The following SCUBE1 variants were observed in gnomAD, a reference collection of about 807,000 sequenced individuals.
SCUBE1 encodes the protein signal peptide, CUB and EGF-like domain-containing protein 1.
A neutral mutation model predicts 124.4 loss-of-function variants in SCUBE1; 59 were observed. The ratio of observed to expected loss-of-function variants is 0.47; its 90% CI spans 0.38 to 0.59. SCUBE1 has a LOEUF of 0.59. Among genes scored for constraint, SCUBE1 ranks in the 20% least tolerant of loss-of-function variants. The pLI, the probability that SCUBE1 is intolerant of heterozygous loss-of-function variation, is 0.00. For missense variants in SCUBE1, 1,150 were observed against 1,371.2 expected (o/e 0.84, Z 2.55); for synonymous variants, 545 against 550.9 (o/e 0.99, Z 0.15).
intron 15 of SCUBE1, among the ~76,000 whole-genome samples, chr22:43,215,202 C>T (rs540883548): frequency 4.2e-4 from 64 of 152,264 alleles, no homozygotes; most frequent in African/African-American, 1.3e-3. Context: ...AGGGGAGGCT[C>T]GCAGCATGTG....
At chr22:43,335,924 G>T (rs1282122300) in intron 2 of SCUBE1, among the ~76,000 whole-genome samples, 7 of 151,882 alleles carry the variant, frequency 4.6e-5, no homozygotes, top group Admixed American at 4.6e-4. Flanking sequence ...TGGTGATGAT[G>T]GTGGTGATGA....
At chr22:43,226,273 G>T (rs1922298874) in intron 10 of SCUBE1, among the ~76,000 whole-genome samples, 1 of 152,166 alleles carries the variant, frequency 6.6e-6, no homozygotes, top group East Asian at 1.9e-4. Flanking sequence ...CATTACTTCT[G>T]GTGGCTGGGA....
rs926259170 is a variant in SCUBE1, at chr22:43,222,577, T to A, written c.1432+61A>T. 49 of 1,272,086 alleles carry A rather than the reference T, an allele frequency of 3.9e-5. 1 individual carries two copies. Among genetic ancestry groups the A allele is most frequent in the South Asian group, 2.6e-5 (2 of 78,394 alleles). The allele number at this position is 1,272,086 out of a possible 1,614,324, so 78.8% of individuals were successfully genotyped here. A position where few individuals can be genotyped will look rare whatever the true frequency, so the allele number is the denominator to read the frequency against. On this transcript the variant is annotated intron_variant, in intron 12 of 21. Transcript: ENST00000360835. ...GGTGCCCTTTCCTCCCCCGCCAGCATGTTGCTGGATGCAGTCAAGTCACCC... is the reference window on the plus strand; with the variant it reads ...GGTGCCCTTTCCTCCCCCGCCAGCAAGTTGCTGGATGCAGTCAAGTCACCC...
intron 6 of SCUBE1, among the ~76,000 whole-genome samples, chr22:43,251,691 A>C (rs1206284481): frequency 1.3e-5 from 2 of 152,210 alleles, no homozygotes; most frequent in Admixed American, 1.3e-4. Flanking sequence ...GAGCCTCCAG[A>C]AGGAAACAGC....
rs1317274448 is a variant in SCUBE1 at position 43,238,964 on chromosome 22, G to C, written c.728-10C>G. ...TTGACTGCGCACGTCTCTGGGGAGG[G>C]AAAGAGACAGAGACCTCAGTTTCCT... On this transcript the variant is annotated splice_polypyrimidine_tract_variant and intron_variant, in intron 6 of 21. Transcript: ENST00000360835. 2.5e-6 allele frequency: 4 copies of C among 1,597,246 alleles called. No individual in the cohort carries two copies. In the African/African-American group the frequency reaches 5.4e-5, roughly 21 times the overall value.
Position 43,255,800 on chromosome 22 carries a change from A to G in SCUBE1, c.727+2419T>C, listed in dbSNP as rs531100822. 6.6e-6 allele frequency among the ~76,000 whole-genome samples: 1 copy of G among 152,280 alleles called. No homozygotes were observed. The highest frequency in any genetic ancestry group is 1.9e-4 in the East Asian group (1 of 5,178). ...GGGCGGGGGCGGGGGGACGTGCAGG[A>G]AAGGAGGAATGACCACAAAGTGACC... is the stretch of plus-strand genomic sequence containing the variant. On this transcript the variant is annotated intron_variant, in intron 6 of 21. Coordinates refer to ENST00000360835, the MANE Select transcript of SCUBE1 (RefSeq NM_173050.5). This position sits in a 1 kb window ranked among gnomAD's most constrained non-coding sequence, Gnocchi z 4.7.
chr22:43,258,654 A>G lies in SCUBE1; in HGVS notation c.611-319T>C, dbSNP rs1181682983. Among the ~76,000 whole-genome samples, 1 of 152,198 alleles carries G rather than the reference A, an allele frequency of 6.6e-6. No homozygotes were observed. The highest frequency in any genetic ancestry group is 1.5e-5 in the Non-Finnish European group (1 of 68,030). On this transcript the variant is annotated intron_variant, in intron 5 of 21. Coordinates refer to ENST00000360835, the MANE Select transcript of SCUBE1 (RefSeq NM_173050.5). The surrounding 1 kb of genome is among the most constrained non-coding windows in gnomAD (Gnocchi z 5.0). ...AGATGAAGACAGCTTCATCCTTCTC[A>G]GACTGCAGGACATTTTATAGCTGCC...
intron 2 of SCUBE1, among the ~76,000 whole-genome samples, chr22:43,335,964 G>A (rs1255221938): frequency 6.7e-6 from 1 of 150,044 alleles, no homozygotes; most frequent in Non-Finnish European, 1.5e-5. Context: ...AATGATGATG[G>A]TGATGATGAT....
rs1923609450 is a variant in SCUBE1 at position 43,255,211 on chromosome 22, A to G, written c.727+3008T>C. Among the ~76,000 whole-genome samples the G allele has an allele frequency of 6.6e-6, 1 of 152,220 alleles. No individual in the cohort carries two copies. Among genetic ancestry groups the G allele is most frequent in the African/African-American group, 2.4e-5 (1 of 41,452 alleles). The stretch of plus-strand genomic sequence containing the variant: ...CCTGGGTTCTTTGCTACAAACACAC[A>G]AACAACGAACAAATGTGTTTGATGG... On this transcript the variant is annotated intron_variant, in intron 6 of 21. Coordinates refer to ENST00000360835, the MANE Select transcript of SCUBE1 (RefSeq NM_173050.5). The surrounding 1 kb of genome is among the most constrained non-coding windows in gnomAD (Gnocchi z 4.7).
At chr22:43,307,986 C>A (rs1926034291) in intron 3 of SCUBE1, among the ~76,000 whole-genome samples, 1 of 151,982 alleles carries the variant, frequency 6.6e-6, no homozygotes, top group African/African-American at 2.4e-5. Flanking sequence ...CTGTAATAAA[C>A]ACCCCACAGT....
In SCUBE1 at chr22:43,208,208, G is replaced by A; in HGVS notation, c.2598C>T (p.Ile866=). 1 of 1,614,072 alleles carries A rather than the reference G, an allele frequency of 6.2e-7. No individual in the cohort carries two copies. The highest frequency in any genetic ancestry group is 8.5e-7 in the Non-Finnish European group (1 of 1,180,000). ...AGGTCTGGCAGGTCTCATAGGTGGT[G>A]ATGGACGTGGGAGAGGCTGCGGGTG... is the stretch of plus-strand genomic sequence containing the variant. The part of the protein sequence containing the change: ...VMRKSASPTS[I]TTYETCQTYE... Residue 866 remains isoleucine (I), a synonymous_variant, in exon 20 of 22, where the codon ATC becomes ATT. Transcript: ENST00000360835.
In SCUBE1 at chr22:43,302,515, C is replaced by CA. The variant is rs540011266; in HGVS notation, c.350-11336dup. Among the ~76,000 whole-genome samples, 8 of 152,298 alleles carry CA rather than the reference C, an allele frequency of 5.3e-5. No individual in the cohort carries two copies. In the South Asian group the frequency reaches 1.7e-3, roughly 32 times the overall value. On this transcript the variant is annotated intron_variant, in intron 3 of 21. Transcript: ENST00000360835. ...GCAGGGGGCGGCTGGGGCCCCTGCT[C>CA]AGAGTCAGGCACTCTTTGTTACAGT...
rs1202366409 is a variant in SCUBE1, at chr22:43,255,333, C to T, written c.727+2886G>A. ...CAGGACTGCACACACGTGGGCACAC[C>T]CCACAACACAGACATATGCCCCCAC... On this transcript the variant is annotated intron_variant, in intron 6 of 21. Coordinates refer to ENST00000360835, the MANE Select transcript of SCUBE1 (RefSeq NM_173050.5). The surrounding 1 kb of genome is among the most constrained non-coding windows in gnomAD (Gnocchi z 4.7). 2.6e-5 allele frequency among the ~76,000 whole-genome samples: 4 copies of T among 152,106 alleles called. No individual in the cohort carries two copies. The highest frequency in any genetic ancestry group is 5.9e-5 in the Non-Finnish European group (4 of 68,010).
At chr22:43,322,217 T>G (rs1476817944) in intron 2 of SCUBE1, among the ~76,000 whole-genome samples, 7 of 152,106 alleles carry the variant, frequency 4.6e-5, no homozygotes, top group Non-Finnish European at 1.0e-4. Flanking sequence ...TCTCCTGACC[T>G]CGTGATCCGC....
chr22:43,297,094 G>C (rs1925592046), intron 3 of SCUBE1, among the ~76,000 whole-genome samples: 1 of 152,242 alleles, frequency 6.6e-6, no homozygotes, highest in Admixed American at 6.5e-5. Context: ...CCAGCCACCA[G>C]GCCTGAGGAC....
chr22:43,312,099 C>T (rs2146775570), intron 3 of SCUBE1, among the ~76,000 whole-genome samples: 1 of 152,288 alleles, frequency 6.6e-6, no homozygotes, highest in East Asian at 1.9e-4. Context: ...AAATCAGAGG[C>T]TTGTTAGGTG....
At position 43,310,545 on chromosome 22, in the gene SCUBE1, C is replaced by T. The variant is rs761704915; in HGVS notation, c.349+9392G>A. On this transcript the variant is annotated intron_variant, in intron 3 of 21. Coordinates refer to ENST00000360835, the MANE Select transcript of SCUBE1 (RefSeq NM_173050.5). Reference sequence around the variant, plus strand: ...CCAGATGATTCCAGTTCTTGGCTATCAAGTCATCCCCAGCTTTCAAGTCTC... The same window carrying T: ...CCAGATGATTCCAGTTCTTGGCTATTAAGTCATCCCCAGCTTTCAAGTCTC... 3.8e-4 allele frequency among the ~76,000 whole-genome samples: 58 copies of T among 152,178 alleles called. 1 individual carries two copies. The highest frequency in any genetic ancestry group is 1.2e-4 in the Non-Finnish European group (8 of 68,026).
intron 3 of SCUBE1, among the ~76,000 whole-genome samples, chr22:43,301,569 G>C (rs1235732598): frequency 6.6e-6 from 1 of 152,108 alleles, no homozygotes; most frequent in Non-Finnish European, 1.5e-5. Flanking sequence ...CTCACGTGCC[G>C]CTTTCCCAGA....
chr22:43,342,324 C>G (rs1018913063), intron 1 of SCUBE1, among the ~76,000 whole-genome samples: 5 of 152,116 alleles, frequency 3.3e-5, no homozygotes, highest in East Asian at 3.9e-4. Context: ...TCCCCCTCCC[C>G]TTCCTGGGTC....
Sources: gnomAD v4.1 joint callset for allele counts (sites outside exome capture counted in the v4.1 genomes callset) on GRCh38, gnomAD v4.1.1 for gene constraint, Gnocchi (gnomAD v3.1) non-coding constraint, MANE v1.5 for transcripts, NCBI Gene and HGNC (gene_info 2026-07-23, HGNC 2026-07-21) for gene names.